The following RABGGTB variants were observed in gnomAD, a reference collection of about 807,000 sequenced individuals.
The protein encoded by RABGGTB is Rab geranylgeranyltransferase subunit beta, also known as geranylgeranyl transferase type-2 subunit beta.
In RABGGTB, 20 loss-of-function variants were observed where a neutral mutation model predicts 44.5. The ratio of observed to expected loss-of-function variants is 0.45; its 90% CI spans 0.32 to 0.65. RABGGTB has a LOEUF of 0.65. Among genes scored for constraint, RABGGTB ranks in the 30% least tolerant of loss-of-function variants. RABGGTB has a pLI of 0.05. For missense variants in RABGGTB, 302 were observed against 398.7 expected (o/e 0.76, Z 2.06); for synonymous variants, 128 against 136.7 (o/e 0.94, Z 0.44).
chr1:75,786,377 A>G, intron 1 of RABGGTB, 103 bp downstream of exon 1: 1 of 1,501,298 alleles, frequency 6.7e-7, no homozygotes, highest in Non-Finnish European at 9.3e-7. Context: ...CTGGTGCTGG[A>G]GAATGGTTAG....
intron 3 of RABGGTB, 69 bp downstream of exon 3, chr1:75,789,425 C>G (rs934007954): frequency 1.3e-6 from 2 of 1,494,926 alleles, no homozygotes; most frequent in Non-Finnish European, 1.9e-6. Context: ...GAAATTGAAA[C>G]TGTATCAGGA....
At chr1:75,788,018 G>A (rs780676110) in intron 2 of RABGGTB, 11 of 468,756 alleles carry the variant, frequency 2.3e-5, no homozygotes, top group Non-Finnish European at 3.8e-5. Flanking sequence ...AAAACTCTGG[G>A]ACAATCTTAG....
chr1:75,794,456 G>T (rs1170458083), intron 8 of RABGGTB, 54 bp from the exon 9 acceptor site: 5 of 1,526,154 alleles, frequency 3.3e-6, no homozygotes, highest in Non-Finnish European at 3.6e-6. Context: ...TTCATAATTT[G>T]AAGTTAAAGA....
intron 6 of RABGGTB, chr1:75,791,862 C>A (rs372876420): frequency 8.1e-6 from 3 of 368,970 alleles, no homozygotes; most frequent in African/African-American, 4.4e-5. Flanking sequence ...AAAAAAAAAA[C>A]AACACATTTT....
At chr1:75,792,535 G>C (rs577281641) in intron 7 of RABGGTB, among the ~76,000 whole-genome samples, 1 of 152,230 alleles carries the variant, frequency 6.6e-6, no homozygotes, top group Non-Finnish European at 1.5e-5. Context: ...GTCTTGTACA[G>C]GAATCTCCAT....
intron 4 of RABGGTB, 156 bp from the exon 5 acceptor site, chr1:75,791,129 G>C (rs1258542693): frequency 1.5e-6 from 1 of 648,688 alleles, no homozygotes; most frequent in Non-Finnish European, 2.7e-6. Flanking sequence ...TTCTTGGGAA[G>C]TAAAGGCACT....
intron 7 of RABGGTB, among the ~76,000 whole-genome samples, 176 bp downstream of exon 7, chr1:75,792,482 A>G (rs1195983169): frequency 6.6e-6 from 1 of 152,170 alleles, no homozygotes; most frequent in Non-Finnish European, 1.5e-5. Flanking sequence ...GTAGACCCCC[A>G]TGAGTTGAAA....
rs761386758 is a variant in RABGGTB at position 75,791,445 on chromosome 1, T to C, written c.469-16T>C. ...ATACTCTGGAATTTAACAGGCATCT[T>C]TTTTTTTGTTTGTAGGGGAAGCTTG... On this transcript the variant is annotated splice_polypyrimidine_tract_variant and intron_variant, in intron 5 of 8. Transcript: ENST00000319942. 1.3e-6 allele frequency: 2 copies of C among 1,598,374 alleles called. No homozygotes were observed. The highest frequency in any genetic ancestry group is 2.7e-5 in the African/African-American group (2 of 73,898).
chr1:75,786,244 AC>A (rs1649469563), upstream of RABGGTB: 1 of 1,613,922 alleles, frequency 6.2e-7, no homozygotes, highest in Admixed American at 1.7e-5. Context: ...CCAGGAACTG[AC>A]CCTGCTCTCT....
intron 1 of RABGGTB, 63 bp downstream of exon 1, chr1:75,786,337 A>G: frequency 6.3e-7 from 1 of 1,594,382 alleles, no homozygotes; most frequent in Admixed American, 1.7e-5. Context: ...GAGTAGGGTT[A>G]AGCACACTGG....
intron 4 of RABGGTB, chr1:75,790,286 T>A: frequency 1.6e-6 from 2 of 1,232,388 alleles, no homozygotes; most frequent in Non-Finnish European, 2.0e-6. Context: ...TAGGTGGAAT[T>A]TTTTTCCCCA....
intron 2 of RABGGTB, chr1:75,787,925 T>C (rs1321421961): frequency 3.5e-6 from 2 of 574,408 alleles, no homozygotes; most frequent in Non-Finnish European, 6.7e-6. Flanking sequence ...TCTGAATCTA[T>C]TGCTGATGTG....
chr1:75,792,074 CAAG>C (rs1484691985), intron 6 of RABGGTB, 104 bp from the exon 7 acceptor site: 57 of 1,006,650 alleles, frequency 5.7e-5, no homozygotes, highest in Non-Finnish European at 7.0e-5. Flanking sequence ...AGTGTCAGAT[CAAG>C]AAGAAAAACT....
chr1:75,787,574 C>T lies in RABGGTB; in HGVS notation c.81C>T (p.Ile27=), dbSNP rs375650983. 8 of 1,612,794 alleles carry T rather than the reference C, an allele frequency of 5.0e-6. No individual in the cohort carries two copies. In the East Asian group the frequency reaches 1.3e-4, roughly 27 times the overall value. Residue 27 remains isoleucine (I), a synonymous_variant, in exon 2 of 9, where the codon ATC becomes ATT. Transcript: ENST00000319942. ...TLLLEKHADY[I]ASYGSKKDDY... ...TATTGGAGAAACATGCAGATTATAT[C>T]GCATCCTATGGCTCAAAGAAAGATG...
chr1:75,794,569 G>A lies in RABGGTB; in HGVS notation c.915G>A (p.Gln305=). Residue 305 remains glutamine (Q), a synonymous_variant, in exon 9 of 9, where the codon CAG becomes CAA. Coordinates refer to ENST00000319942, the MANE Select transcript of RABGGTB (RefSeq NM_004582.4). Reference sequence around the variant, plus strand: ...GATTGTCACTTTTGGGAGAAGAACAGATTAAACCTGTTAATCCTGTCTTTT... The same window carrying A: ...GATTGTCACTTTTGGGAGAAGAACAAATTAAACCTGTTAATCCTGTCTTTT... ...IAGLSLLGEE[Q]IKPVNPVFCM... 1 of 1,613,338 alleles carries A rather than the reference G, an allele frequency of 6.2e-7. No homozygotes were observed.
intron 4 of RABGGTB, chr1:75,790,349 A>C: frequency 8.6e-7 from 1 of 1,160,598 alleles, no homozygotes; most frequent in Non-Finnish European, 1.0e-6. Flanking sequence ...GAAAGGGAAA[A>C]ATATTTAAAA....
chr1:75,787,649 G>A (rs1411140283), intron 2 of RABGGTB, 45 bp downstream of exon 2: 1 of 1,457,426 alleles, frequency 6.9e-7, no homozygotes, highest in Non-Finnish European at 9.6e-7. Context: ...TTAAAGAAGT[G>A]TGACAGTCAT....
At chr1:75,791,257 G>A (rs1245688465) in intron 4 of RABGGTB, 28 bp from the exon 5 acceptor site, 2 of 1,582,396 alleles carry the variant, frequency 1.3e-6, no homozygotes, top group East Asian at 2.2e-5. Context: ...GGTAACACCT[G>A]CCTTGATTTG....
intron 4 of RABGGTB, chr1:75,790,326 A>G: frequency 2.4e-6 from 3 of 1,241,626 alleles, no homozygotes; most frequent in Non-Finnish European, 3.0e-6. Context: ...AGTTTTTTAA[A>G]AACTACTTGC....
Sources: allele counts gnomAD v4.1 joint callset (sites outside exome capture counted in the v4.1 genomes callset), GRCh38; gene constraint gnomAD v4.1.1; transcripts MANE v1.5; gene names NCBI Gene and HGNC (gene_info 2026-07-23, HGNC 2026-07-21).